The following SBF2 variants were observed in gnomAD, a reference collection of about 807,000 sequenced individuals.
SBF2 encodes the protein SET binding factor 2.
In SBF2, 112 loss-of-function variants were observed where a neutral mutation model predicts 225.2. The ratio of observed to expected loss-of-function variants is 0.50; its 90% CI spans 0.43 to 0.58. The LOEUF (loss-of-function observed/expected upper bound fraction) is 0.58. Among genes scored for constraint, SBF2 ranks in the 20% least tolerant of loss-of-function variants. The pLI is 0.00. For missense variants in SBF2, 1,996 were observed against 2,206.2 expected (o/e 0.90, Z 1.91); for synonymous variants, 763 against 773.3 (o/e 0.99, Z 0.22).
intron 1 of SBF2, among the ~76,000 whole-genome samples, chr11:10,210,247 G>A (rs1407236731): frequency 6.6e-6 from 1 of 152,042 alleles, no homozygotes; most frequent in Non-Finnish European, 1.5e-5. Flanking sequence ...GGTCAAGGCT[G>A]CAGTGAGCCA....
intron 5 of SBF2, 73 bp from the exon 6 acceptor site, chr11:10,028,630 G>T: frequency 2.0e-5 from 20 of 977,858 alleles, no homozygotes; most frequent in East Asian, 7.3e-5. Flanking sequence ...AAATACCTTC[G>T]ATGTTCATTT....
intron 1 of SBF2, among the ~76,000 whole-genome samples, chr11:10,253,531 T>G (rs1591311218): frequency 6.6e-6 from 1 of 152,212 alleles, no homozygotes; most frequent in Non-Finnish European, 1.5e-5. Flanking sequence ...CAGAATATTA[T>G]GGCAAAGAAT....
At chr11:9,849,679 A>C (rs1445267559) in intron 22 of SBF2, among the ~76,000 whole-genome samples, 2 of 152,210 alleles carry the variant, frequency 1.3e-5, no homozygotes, top group African/African-American at 2.4e-5. Flanking sequence ...TTTACAGTTA[A>C]CTGTAGGACT....
intron 1 of SBF2, among the ~76,000 whole-genome samples, chr11:10,246,000 G>A (rs1455260967): frequency 2.0e-5 from 3 of 152,150 alleles, no homozygotes; most frequent in African/African-American, 7.2e-5. Flanking sequence ...GGAGGTATTA[G>A]TCAAAGGGTA....
chr11:10,040,460 A>T (rs1296657798), intron 3 of SBF2, among the ~76,000 whole-genome samples: 1 of 152,026 alleles, frequency 6.6e-6, no homozygotes, highest in African/African-American at 2.4e-5. Context: ...AAATGTCAAC[A>T]TTATAGACAA....
At chr11:10,245,755 T>C (rs1483596087) in intron 1 of SBF2, among the ~76,000 whole-genome samples, 1 of 152,204 alleles carries the variant, frequency 6.6e-6, no homozygotes, top group Non-Finnish European at 1.5e-5. Flanking sequence ...AAATGTCCAT[T>C]GACAGATAAA....
intron 2 of SBF2, among the ~76,000 whole-genome samples, chr11:10,098,665 C>T (rs112014504): frequency 0.019 from 2,585 of 138,016 alleles, 58 homozygotes; most frequent in African/African-American, 0.052. Context: ...ATACAATCAA[C>T]AAAGACAAAA....
At chr11:10,052,201 G>C (rs576492290) in intron 2 of SBF2, among the ~76,000 whole-genome samples, 2 of 150,822 alleles carry the variant, frequency 1.3e-5, no homozygotes, top group South Asian at 2.1e-4. Context: ...AAAATGTTTA[G>C]AATCGACTGT....
chr11:9,859,010 G>A (rs1244843007), intron 17 of SBF2, among the ~76,000 whole-genome samples: 1 of 152,138 alleles, frequency 6.6e-6, no homozygotes, highest in Non-Finnish European at 1.5e-5. Flanking sequence ...CCAAATTTGT[G>A]CAGGGAAAGA....
chr11:10,158,961 T>C (rs994414955), intron 2 of SBF2, among the ~76,000 whole-genome samples: 1 of 152,188 alleles, frequency 6.6e-6, no homozygotes, highest in African/African-American at 2.4e-5. Flanking sequence ...ATAAAAACTC[T>C]CAACAAATTA....
chr11:10,269,490 T>C (rs375816626), intron 1 of SBF2, among the ~76,000 whole-genome samples: 36 of 152,336 alleles, frequency 2.4e-4, no homozygotes, highest in South Asian at 2.1e-3. Flanking sequence ...AATTCACATA[T>C]GTCCATATAA....
intron 25 of SBF2, 22 bp from the exon 26 acceptor site, chr11:9,839,718 T>A: frequency 6.2e-7 from 1 of 1,605,228 alleles, no homozygotes; most frequent in Non-Finnish European, 8.5e-7. Flanking sequence ...GAGACAGATA[T>A]CGAAGAAATG....
At chr11:10,233,603 A>T (rs1958945434) in intron 1 of SBF2, among the ~76,000 whole-genome samples, 1 of 133,030 alleles carries the variant, frequency 7.5e-6, no homozygotes. Context: ...ACAACCTGTG[A>T]TAATTCTCCA....
rs1851900829 is a variant in SBF2 at position 9,779,775 on chromosome 11, G to C, written c.*643C>G. On this transcript the variant is annotated 3_prime_UTR_variant, in exon 40 of 40. Transcript: ENST00000256190. ...AAGTAGTGTTTTCCTGCATTGGGCT[G>C]GTCATTGTTGTACCATTCCCTGGAT... 1 of 159,080 alleles carries C rather than the reference G, an allele frequency of 6.3e-6. No individual in the cohort carries two copies. The highest frequency in any genetic ancestry group is 1.4e-5 in the Non-Finnish European group (1 of 71,338). 9.9% of individuals were successfully genotyped at this position (159,080 alleles called of 1,614,324 possible).
intron 2 of SBF2, among the ~76,000 whole-genome samples, chr11:10,075,329 CTG>C (rs1555012730): frequency 6.6e-6 from 1 of 152,188 alleles, no homozygotes; most frequent in African/African-American, 2.4e-5. Flanking sequence ...TTAATAAACA[CTG>C]TTATAGAATT....
At position 10,276,708 on chromosome 11, in the gene SBF2, AAG is replaced by A. The variant is rs1684212979; in HGVS notation, c.55+17305_55+17306del. ...TCAAGGATAACTCAGTGTAACCATG[AAG>A]AGTCAATGCAATAATGTGAACACAC... On this transcript the variant is annotated intron_variant, in intron 1 of 39. Coordinates refer to ENST00000256190, the MANE Select transcript of SBF2 (RefSeq NM_030962.4). Among the ~76,000 whole-genome samples, 9 of 152,340 alleles carry A rather than the reference AAG, an allele frequency of 5.9e-5. 1 individual carries two copies. The South Asian group carries it at 1.7e-3, about 28-fold the overall frequency.
In SBF2 at chr11:10,026,489, G is replaced by C. The variant is rs146676303; in HGVS notation, c.619+1963C>G. Among the ~76,000 whole-genome samples the C allele has an allele frequency of 5.4e-3, 820 of 152,258 alleles. 2 individuals carry two copies. The highest frequency in any genetic ancestry group is 0.031 in the Middle Eastern group (9 of 294). ...CTCATGCCTATAATCCCAGCTCTTT[G>C]GGAGGCCAAAGCAGGAGGACTGCTT... On this transcript the variant is annotated intron_variant, in intron 6 of 39. Transcript: ENST00000256190.
chr11:9,913,703 C>A (rs1375201752), intron 16 of SBF2, among the ~76,000 whole-genome samples: 2 of 145,558 alleles, frequency 1.4e-5, no homozygotes, highest in African/African-American at 2.5e-5. Flanking sequence ...GTGGAAAAAA[C>A]CAAAATGTCC....
chr11:10,151,738 G>T (rs1350450716), intron 2 of SBF2, among the ~76,000 whole-genome samples: 1 of 152,072 alleles, frequency 6.6e-6, no homozygotes, highest in Non-Finnish European at 1.5e-5. Flanking sequence ...TGGACTGGGG[G>T]ACTTTGGCTA....
Sources: gnomAD v4.1 joint callset for allele counts (sites outside exome capture counted in the v4.1 genomes callset) on GRCh38, gnomAD v4.1.1 for gene constraint, MANE v1.5 for transcripts, NCBI Gene and HGNC (gene_info 2026-07-23, HGNC 2026-07-21) for gene names.